The following ATP2C2 variants were observed in gnomAD, a reference collection of about 807,000 sequenced individuals.
The protein encoded by ATP2C2 is ATPase secretory pathway Ca2+ transporting 2, also known as calcium-transporting ATPase type 2C member 2.
A neutral mutation model predicts 110.8 loss-of-function variants in ATP2C2; 171 were observed. The ratio of observed to expected loss-of-function variants is 1.54; its 90% CI spans 1.36 to 1.75. The LOEUF is 1.75. Ranked by LOEUF, ATP2C2 falls within the 40% of genes most tolerant of loss-of-function variation. ATP2C2 has a pLI of 0.00. For missense variants in ATP2C2, 1,963 were observed against 1,235.0 expected, an observed-to-expected ratio of 1.59 and a Z score of -8.84; for synonymous variants, 804 against 508.4, an observed-to-expected ratio of 1.58 and a Z score of -7.82.
At position 84,408,422 on chromosome 16, in the gene ATP2C2, C is replaced by G. The variant is rs781396703; in HGVS notation, c.345C>G (p.Ile115Met). 1 of 1,613,872 alleles carries G rather than the reference C, an allele frequency of 6.2e-7. No individual in the cohort carries two copies. ...CTCTTCAGTTTAAGAACCCCCTGAT[C>G]CTGCTGCTGCTGGGCTCTGCCCTGG... ...KYLDQFKNPL[I>M]LLLLGSALVS... The change falls in exon 4 of 27, where the codon ATC becomes ATG. Residue 115 changes from isoleucine to methionine, a missense_variant. Transcript: ENST00000262429.
At position 84,405,242 on chromosome 16, in the gene ATP2C2, C is replaced by A; in HGVS notation, c.325C>A (p.Gln109Lys). ...SEPVWKKYLD[Q>K]FKNPLILLLL... ...ACCTGTGTGGAAGAAATACCTGGAT[C>A]AGGTAGGACCAGAGGTGTCATTCTT... The change falls in exon 3 of 27, where the codon CAG becomes AAG. Residue 109 changes from glutamine (Q) to lysine (K), a missense_variant and splice_region_variant. Physicochemically the swap from Gln to Lys is moderately conservative, Grantham distance 53. Coordinates refer to ENST00000262429, the MANE Select transcript of ATP2C2 (RefSeq NM_014861.4). 1 of 1,611,164 alleles carries A rather than the reference C, an allele frequency of 6.2e-7. No individual in the cohort carries two copies. Among genetic ancestry groups the A allele is most frequent in the Non-Finnish European group, 8.5e-7 (1 of 1,177,458 alleles).
intron 1 of ATP2C2, among the ~76,000 whole-genome samples, chr16:84,391,880 G>A (rs960317010): frequency 2.6e-5 from 4 of 151,138 alleles, no homozygotes; most frequent in African/African-American, 4.9e-5. Context: ...TGTGACTCCC[G>A]TTCCCTCCCC....
chr16:84,385,766 C>G (rs1904310589), intron 1 of ATP2C2, among the ~76,000 whole-genome samples: 1 of 152,182 alleles, frequency 6.6e-6, no homozygotes, highest in African/African-American at 2.4e-5. Flanking sequence ...ATGAAACCAT[C>G]AGATCTTGTG....
intron 6 of ATP2C2, among the ~76,000 whole-genome samples, chr16:84,414,026 CAAAT>C (rs993700435): frequency 6.6e-6 from 1 of 152,052 alleles, no homozygotes; most frequent in African/African-American, 2.4e-5. Context: ...GCCACCAAAA[CAAAT>C]AAAAAACCCC....
intron 1 of ATP2C2, among the ~76,000 whole-genome samples, chr16:84,372,852 G>GACTCACTCCTGTTTTCCCAGC (rs1910033996): frequency 6.6e-6 from 1 of 151,990 alleles, no homozygotes; most frequent in Admixed American, 6.6e-5. Flanking sequence ...CTGTTGCGGT[G>GACTCACTCCTGTTTTCCCAGC]ACTCACTCCT....
chr16:84,460,001 G>A (rs1305069712), intron 23 of ATP2C2: 2 of 239,954 alleles, frequency 8.3e-6, no homozygotes, highest in South Asian at 6.2e-5. Context: ...CTGGCCACGT[G>A]TGCGTAACCG....
chr16:84,425,445 A>G (rs1417621026), intron 10 of ATP2C2, among the ~76,000 whole-genome samples: 1 of 152,238 alleles, frequency 6.6e-6, no homozygotes, highest in Non-Finnish European at 1.5e-5. Context: ...AGCCGACGGT[A>G]AACTTTGGGA....
chr16:84,446,354 C>T lies in ATP2C2; in HGVS notation c.1427C>T (p.Ser476Leu), dbSNP rs1330565396. ...MKMDLSDIKN[S>L]YIRKKEIPFS... ...ATGGACTTAAGTGATATTAAAAATT[C>T]ATATATAAGAAAAAAAGAGATTCCA... Residue 476 changes from serine (S) to leucine (L), a missense_variant, in exon 16 of 27, where the codon TCA becomes TTA. Transcript: ENST00000262429. 1.3e-6 allele frequency: 2 copies of T among 1,592,576 alleles called. No homozygotes were observed. Among genetic ancestry groups the T allele is most frequent in the Non-Finnish European group, 1.7e-6 (2 of 1,171,524 alleles).
Position 84,448,442 on chromosome 16 carries a change from T to A in ATP2C2, c.1504-91T>A, listed in dbSNP as rs1168515691. On this transcript the variant is annotated intron_variant, in intron 16 of 26. Transcript: ENST00000262429. ...ACTCCGCTGCAAAGATCCCCGTGTG[T>A]GTCTTTGTAACCTTGTGCAGAGTGG... 6 of 1,430,896 alleles carry A rather than the reference T, an allele frequency of 4.2e-6. No homozygotes were observed. The East Asian group carries it at 1.4e-4, about 34-fold the overall frequency. The allele number at this position is 1,430,896 out of a possible 1,614,324, so 88.6% of individuals were successfully genotyped here.
chr16:84,412,292 G>GTC (rs1906391004), intron 6 of ATP2C2, among the ~76,000 whole-genome samples: 1 of 59,278 alleles, frequency 1.7e-5, no homozygotes, highest in Non-Finnish European at 4.2e-5. Context: ...GTGCACGTAT[G>GTC]TGTGTGTGTG....
intron 6 of ATP2C2, among the ~76,000 whole-genome samples, chr16:84,411,626 G>C (rs377545288): frequency 2.6e-5 from 4 of 152,176 alleles, no homozygotes; most frequent in African/African-American, 7.2e-5. Flanking sequence ...ATTTTTAGTA[G>C]AGGTGGGGTT....
At chr16:84,447,768 A>G (rs986020368) in intron 16 of ATP2C2, among the ~76,000 whole-genome samples, 30 of 140,648 alleles carry the variant, frequency 2.1e-4, no homozygotes, top group Non-Finnish European at 3.9e-4. Flanking sequence ...CATATAAATA[A>G]TATAATGTAA....
intron 11 of ATP2C2, among the ~76,000 whole-genome samples, chr16:84,434,378 T>A (rs1473801895): frequency 6.6e-6 from 1 of 151,614 alleles, no homozygotes; most frequent in Non-Finnish European, 1.5e-5. Context: ...ATTGCACCGC[T>A]GCACTCCAGC....
At chr16:84,388,051 G>A (rs567878011) in intron 1 of ATP2C2, among the ~76,000 whole-genome samples, 42 of 152,126 alleles carry the variant, frequency 2.8e-4, no homozygotes, top group Admixed American at 1.4e-3. Context: ...CTTTTGGCCA[G>A]GCAGGTGCAG....
Position 84,371,674 on chromosome 16 carries a change from G to C in ATP2C2, c.99+2960G>C, listed in dbSNP as rs1033362001. ...CGGGGGAAGCTGTCTCTGCCCCTCAGGGCTCCCATCTCTTAAGTGAGGCAG... is the reference window on the plus strand; with the variant it reads ...CGGGGGAAGCTGTCTCTGCCCCTCACGGCTCCCATCTCTTAAGTGAGGCAG... On this transcript the variant is annotated intron_variant, in intron 1 of 26. Coordinates refer to ENST00000262429, the MANE Select transcript of ATP2C2 (RefSeq NM_014861.4). Among the ~76,000 whole-genome samples the C allele has an allele frequency of 1.3e-5, 2 of 152,224 alleles. 1 individual carries two copies. Among genetic ancestry groups the C allele is most frequent in the Non-Finnish European group, 2.9e-5 (2 of 68,040 alleles).
At chr16:84,439,052 G>A in intron 11 of ATP2C2, 114 bp from the exon 12 acceptor site, 1 of 1,461,346 alleles carries the variant, frequency 6.8e-7, no homozygotes, top group South Asian at 1.3e-5. Flanking sequence ...CTAGAACCAG[G>A]ACACTGGGGA....
intron 1 of ATP2C2, among the ~76,000 whole-genome samples, chr16:84,370,476 C>G (rs750538302): frequency 6.6e-6 from 1 of 152,026 alleles, no homozygotes; most frequent in Non-Finnish European, 1.5e-5. Context: ...CAATGAAGAT[C>G]GATGGGAAGT....
At chr16:84,425,271 G>A (rs187912746) in intron 10 of ATP2C2, among the ~76,000 whole-genome samples, 44 of 152,226 alleles carry the variant, frequency 2.9e-4, no homozygotes, top group Non-Finnish European at 5.3e-4. Flanking sequence ...TGTGCAGTAC[G>A]TATTTGGTAA....
chr16:84,437,796 G>A (rs978293446), intron 11 of ATP2C2, among the ~76,000 whole-genome samples: 19 of 152,188 alleles, frequency 1.2e-4, no homozygotes, highest in African/African-American at 2.7e-4. Flanking sequence ...GATTACAGGC[G>A]TGAGCCACCA....
Sources: gnomAD v4.1 joint callset for allele counts (sites outside exome capture counted in the v4.1 genomes callset) on GRCh38, gnomAD v4.1.1 for gene constraint, MANE v1.5 for transcripts, NCBI Gene and HGNC (gene_info 2026-07-23, HGNC 2026-07-21) for gene names.